Variants in CA13 observed in about 807,000 individuals in gnomAD.
CA13 encodes carbonic anhydrase 13, also known as CA-XIII.
CA13 carries 21 observed loss-of-function variants against 31.5 expected under a neutral mutation model. The ratio of observed to expected loss-of-function variants is 0.67; its 90% CI spans 0.47 to 0.96. The LOEUF (loss-of-function observed/expected upper bound fraction) is 0.96. CA13 is among the 40% of genes least tolerant of loss of function. The probability of loss-of-function intolerance (pLI) is 0.00; values close to 1 mark genes in which losing one functional copy is unlikely to be tolerated. For synonymous variants in CA13, 117 were observed against 111.4 expected (o/e 1.05, Z -0.32); for missense variants, 315 against 318.9 (o/e 0.99, Z 0.09).
chr8:85,271,043 T>C (rs762580967), intron 6 of CA13, among the ~76,000 whole-genome samples: 1 of 152,236 alleles, frequency 6.6e-6, no homozygotes, highest in Non-Finnish European at 1.5e-5. Flanking sequence ...CGTATTTTAG[T>C]TTTTAACCAA....
At chr8:85,250,625 A>T (rs1813809089) in intron 1 of CA13, 115 bp from the exon 2 acceptor site, 2 of 663,242 alleles carry the variant, frequency 3.0e-6, no homozygotes, top group Non-Finnish European at 5.1e-6. Flanking sequence ...CGAGAATCTC[A>T]TTTTATTAAT....
intron 2 of CA13, among the ~76,000 whole-genome samples, chr8:85,258,307 A>G (rs557847941): frequency 2.5e-4 from 38 of 152,256 alleles, no homozygotes; most frequent in Admixed American, 1.2e-3. Flanking sequence ...AAGCTTTTCT[A>G]TATACTTAAG....
In CA13 at chr8:85,245,723, C is replaced by A; in HGVS notation, c.-106C>A. ...CACGGTCTCGCACTCCTGCCGCCGG[C>A]GCCCCGCGGTCCCGCCCTAGCAGGC... is the stretch of plus-strand genomic sequence containing the variant. On this transcript the variant is annotated 5_prime_UTR_variant, in exon 1 of 7. Transcript: ENST00000321764. 1 of 1,323,914 alleles carries A rather than the reference C, an allele frequency of 7.6e-7. No individual in the cohort carries two copies. The highest frequency in any genetic ancestry group is 1.1e-6 in the Non-Finnish European group (1 of 925,842). 82.0% of individuals were successfully genotyped at this position (1,323,914 alleles called of 1,614,324 possible). A position where few individuals can be genotyped will look rare whatever the true frequency, so the allele number is the denominator to read the frequency against.
At position 85,279,266 on chromosome 8, in the gene CA13, C is replaced by T. The variant is rs562283667; in HGVS notation, c.670-1964C>T. On this transcript the variant is annotated intron_variant, in intron 6 of 6. Coordinates refer to ENST00000321764, the MANE Select transcript of CA13 (RefSeq NM_198584.3). ...CCTTAGTGACAGAGGAGCAGCTTTG[C>T]TGCTTGAATAAAGCCTGGAACCACA... Among the ~76,000 whole-genome samples, 3 of 152,300 alleles carry T rather than the reference C, an allele frequency of 2.0e-5. No individual in the cohort carries two copies. The South Asian group carries it at 6.2e-4, about 32-fold the overall frequency.
rs575000925 is a variant in CA13, at chr8:85,265,180, C to T, written c.355-1428C>T. Among the ~76,000 whole-genome samples the T allele has an allele frequency of 1.4e-4, 21 of 152,284 alleles. 1 individual carries two copies. The East Asian group carries it at 3.5e-3, about 25-fold the overall frequency. On this transcript the variant is annotated intron_variant, in intron 3 of 6. Transcript: ENST00000321764. ...GGCATGAAGGCTCACATAAGTATTT[C>T]CTTCCTGATAAAACAAAAGGGATTC...
At chr8:85,265,989 A>G (rs1003062370) in intron 3 of CA13, among the ~76,000 whole-genome samples, 1 of 152,142 alleles carries the variant, frequency 6.6e-6, no homozygotes, top group Non-Finnish European at 1.5e-5. Flanking sequence ...TGGAAAACCT[A>G]CTGTGTCGGA....
chr8:85,277,551 C>T (rs901966555), intron 6 of CA13, among the ~76,000 whole-genome samples: 7 of 152,182 alleles, frequency 4.6e-5, no homozygotes, highest in African/African-American at 9.7e-5. Context: ...CCACCAATTC[C>T]GGACACAATA....
At chr8:85,275,440 C>T (rs1807587994) in intron 6 of CA13, among the ~76,000 whole-genome samples, 2 of 152,238 alleles carry the variant, frequency 1.3e-5, no homozygotes, top group East Asian at 1.9e-4. Context: ...TTGACTCATA[C>T]GGGCTCCCCT....
chr8:85,270,016 C>T (rs1807507605), intron 6 of CA13, among the ~76,000 whole-genome samples: 1 of 152,220 alleles, frequency 6.6e-6, no homozygotes, highest in South Asian at 2.1e-4. Context: ...AGCCACTGCA[C>T]CTAGCCAGTA....
intron 1 of CA13, 34 bp downstream of exon 1, chr8:85,245,899 G>A (rs1813717178): frequency 2.5e-6 from 4 of 1,613,844 alleles, no homozygotes; most frequent in Non-Finnish European, 2.5e-6. Flanking sequence ...GGGGGGGTTT[G>A]TGCGGGGGAC....
In CA13 at chr8:85,245,664, G is replaced by C. The variant is rs886852985; in HGVS notation, c.-165G>C. On this transcript the variant is annotated 5_prime_UTR_variant, in exon 1 of 7. Transcript: ENST00000321764. ...CCTTCCCCGCACGCCTCTGCCGTCT[G>C]GAGGACGCAGGCGGGAGCGCCCCGG... 3 of 732,242 alleles carry C rather than the reference G, an allele frequency of 4.1e-6. No homozygotes were observed. Among genetic ancestry groups the C allele is most frequent in the Non-Finnish European group, 4.6e-6 (2 of 431,720 alleles). The allele number at this position is 732,242 out of a possible 1,614,324, so 45.4% of individuals were successfully genotyped here. A position where few individuals can be genotyped will look rare whatever the true frequency, so the allele number is the denominator to read the frequency against.
chr8:85,267,854 A>G (rs1185083269), intron 4 of CA13, 48 bp from the exon 5 acceptor site: 1 of 1,160,736 alleles, frequency 8.6e-7, no homozygotes, highest in East Asian at 2.4e-5. Context: ...AGTGATTCAG[A>G]CTTGATCTGC....
At chr8:85,251,898 G>A (rs1437368098) in intron 2 of CA13, among the ~76,000 whole-genome samples, 1 of 152,072 alleles carries the variant, frequency 6.6e-6, no homozygotes, top group East Asian at 1.9e-4. Context: ...ATATAACTCT[G>A]AATTTTTTTC....
chr8:85,265,704 A>G (rs533097676), intron 3 of CA13, among the ~76,000 whole-genome samples: 1 of 152,368 alleles, frequency 6.6e-6, no homozygotes, highest in African/African-American at 2.4e-5. Context: ...TTTATGTGCG[A>G]GATGACAAAT....
intron 2 of CA13, among the ~76,000 whole-genome samples, chr8:85,258,015 A>C (rs1408941504): frequency 6.8e-6 from 1 of 148,014 alleles, no homozygotes; most frequent in Non-Finnish European, 1.5e-5. Context: ...TATACATATT[A>C]AATTTATATA....
intron 1 of CA13, chr8:85,246,668 A>G (rs1813737148): frequency 2.8e-6 from 1 of 361,018 alleles, no homozygotes; most frequent in Admixed American, 3.6e-5. Context: ...TCTTGTTCCT[A>G]CGTTAAACTG....
intron 3 of CA13, among the ~76,000 whole-genome samples, chr8:85,262,381 GGGGAGGGAACTA>G (rs1268532827): frequency 7.2e-5 from 11 of 152,172 alleles, no homozygotes; most frequent in Non-Finnish European, 1.5e-4. Flanking sequence ...TTTGGTTGAA[GGGGAGGGAACTA>G]GGTCAAGTGG....
At chr8:85,265,335 T>G (rs1807441359) in intron 3 of CA13, among the ~76,000 whole-genome samples, 1 of 152,216 alleles carries the variant, frequency 6.6e-6, no homozygotes. Flanking sequence ...CTGTCTCACT[T>G]TGTCCTTTTG....
intron 2 of CA13, among the ~76,000 whole-genome samples, chr8:85,252,281 A>G (rs931014449): frequency 6.6e-6 from 1 of 152,100 alleles, no homozygotes; most frequent in Middle Eastern, 3.2e-3. Context: ...AAGTAAAATA[A>G]TTTTAAAAGT....
Sources: gnomAD v4.1 joint callset for allele counts (sites outside exome capture counted in the v4.1 genomes callset) on GRCh38, gnomAD v4.1.1 for gene constraint, MANE v1.5 for transcripts, NCBI Gene and HGNC (gene_info 2026-07-23, HGNC 2026-07-21) for gene names.